The following MDN1 variants were observed in gnomAD, a reference collection of about 807,000 sequenced individuals.
The protein encoded by MDN1 is midasin.
MDN1 carries 266 observed loss-of-function variants against 669.2 expected under a neutral mutation model. That is an observed-to-expected ratio of 0.40 (90% CI 0.36 to 0.44). The LOEUF (loss-of-function observed/expected upper bound fraction) is 0.44, where lower values mean the gene tolerates loss of function less well. Ranked by LOEUF, MDN1 falls within the 20% of genes least tolerant of loss-of-function variation. MDN1 has a pLI of 1.00. For missense variants in MDN1, 5,940 were observed against 6,754.0 expected (o/e 0.88, Z 4.22); for synonymous variants, 2,385 against 2,457.1 (o/e 0.97, Z 0.87).
chr6:89,656,154 A>G (rs1286597385), intron 91 of MDN1, among the ~76,000 whole-genome samples, 186 bp from the exon 92 acceptor site: 1 of 152,210 alleles, frequency 6.6e-6, no homozygotes, highest in African/African-American at 2.4e-5. Flanking sequence ...TCTCTATGAT[A>G]TACTTTTATA....
intron 8 of MDN1, among the ~76,000 whole-genome samples, chr6:89,786,771 C>T (rs1818982994): frequency 6.6e-6 from 1 of 151,544 alleles, no homozygotes. Context: ...ACTAAAAATA[C>T]AAAAATTAGC....
At chr6:89,788,727 C>G (rs1285150871) in intron 7 of MDN1, among the ~76,000 whole-genome samples, 1 of 152,030 alleles carries the variant, frequency 6.6e-6, no homozygotes, top group African/African-American at 2.4e-5. Context: ...AGGAGCTAGA[C>G]TAGAGGAAAA....
chr6:89,743,501 G>C (rs1339368634), intron 30 of MDN1, 75 bp downstream of exon 30: 1 of 1,525,978 alleles, frequency 6.6e-7, no homozygotes, highest in Non-Finnish European at 8.9e-7. Flanking sequence ...CCCAGCTCCA[G>C]AAACCCCACC....
chr6:89,650,661 G>T, intron 96 of MDN1, 71 bp downstream of exon 96: 1 of 1,177,398 alleles, frequency 8.5e-7, no homozygotes. Context: ...GTTAGGTGCC[G>T]CGTTCAACAG....
Position 89,759,052 on chromosome 6 carries a change from G to A in MDN1, c.2461-92C>T, listed in dbSNP as rs112620535. On this transcript the variant is annotated intron_variant, in intron 17 of 101. Coordinates refer to ENST00000369393, the MANE Select transcript of MDN1 (RefSeq NM_014611.3). ...TGCAAGCAGGGTTAGAAATAGAGGCGGGGCAAATCTTTCCTACTTGATGGG... is the reference window on the plus strand; with the variant it reads ...TGCAAGCAGGGTTAGAAATAGAGGCAGGGCAAATCTTTCCTACTTGATGGG... 1.9e-4 allele frequency: 250 copies of A among 1,323,876 alleles called. 2 individuals carry two copies. The highest frequency in any genetic ancestry group is 1.9e-3 in the African/African-American group (127 of 68,016). 82.0% of individuals were successfully genotyped at this position (1,323,876 alleles called of 1,614,324 possible).
rs747644822 is a variant in MDN1, at chr6:89,701,929, G to A, written c.8281C>T (p.Arg2761Ter). ...VLKHLVHQIP[R>*]LLMNYEDKYY... Reference sequence around the variant, plus strand: ...TTGTCTTCATAATTCATCAGAAGTCGGGGGATCTGGTGGACCAGATGTTTT... The same window carrying A: ...TTGTCTTCATAATTCATCAGAAGTCAGGGGATCTGGTGGACCAGATGTTTT... Residue 2761 changes from arginine (R) to a stop codon, truncating the protein, a stop_gained, in exon 54 of 102, where the codon CGA becomes TGA. Transcript: ENST00000369393. LOFTEE classifies it high-confidence loss of function. 1.2e-6 allele frequency: 2 copies of A among 1,613,110 alleles called. No individual in the cohort carries two copies. Among genetic ancestry groups the A allele is most frequent in the Non-Finnish European group, 1.7e-6 (2 of 1,179,630 alleles).
chr6:89,757,692 CTT>C (rs1817324027), intron 19 of MDN1, among the ~76,000 whole-genome samples: 1 of 152,150 alleles, frequency 6.6e-6, no homozygotes, highest in African/African-American at 2.4e-5. Flanking sequence ...AGGCAGATCT[CTT>C]GAGCCCAGTG....
chr6:89,727,767 T>C, intron 37 of MDN1, 66 bp downstream of exon 37: 1 of 1,610,208 alleles, frequency 6.2e-7, no homozygotes, highest in East Asian at 2.2e-5. Flanking sequence ...GAAATGGAGC[T>C]GTGAAAGGAT....
chr6:89,653,218 GCTA>G (rs950645981), intron 93 of MDN1, 63 bp from the exon 94 acceptor site: 14 of 1,454,138 alleles, frequency 9.6e-6, no homozygotes, highest in Admixed American at 4.3e-5. Context: ...CCAAGCCTTT[GCTA>G]TTGCCTGTTA....
intron 42 of MDN1, 51 bp from the exon 43 acceptor site, chr6:89,718,678 A>G: frequency 1.2e-6 from 2 of 1,607,438 alleles, no homozygotes; most frequent in Non-Finnish European, 8.5e-7. Flanking sequence ...GAATACTGTT[A>G]TCTGTACTCA....
intron 12 of MDN1, among the ~76,000 whole-genome samples, chr6:89,775,590 A>G (rs752969167): frequency 1.3e-5 from 2 of 152,254 alleles, no homozygotes; most frequent in Non-Finnish European, 2.9e-5. Context: ...ACATAAAACA[A>G]GAATGGCAAA....
intron 27 of MDN1, among the ~76,000 whole-genome samples, chr6:89,746,593 C>CAAAA (rs34446722): frequency 1.2e-4 from 8 of 65,550 alleles, no homozygotes; most frequent in Non-Finnish European, 1.7e-4. Flanking sequence ...GACTCTATCT[C>CAAAA]AAAAAAAAAA....
intron 40 of MDN1, 85 bp downstream of exon 40, chr6:89,722,870 C>G: frequency 7.5e-6 from 8 of 1,064,724 alleles, no homozygotes; most frequent in African/African-American, 1.6e-5. Flanking sequence ...AAAAAAAAGG[C>G]TTGCAATTAG....
In MDN1 at chr6:89,796,340, A is replaced by AC. The variant is rs1554199824; in HGVS notation, c.330-1540_330-1539insG. Among the ~76,000 whole-genome samples the AC allele has an allele frequency of 6.9e-5, 8 of 116,692 alleles. 1 individual carries two copies. Among genetic ancestry groups the AC allele is most frequent in the East Asian group, 2.3e-4 (1 of 4,374 alleles). 76.6% of individuals were successfully genotyped at this position (116,692 alleles called of 152,430 possible). On this transcript the variant is annotated intron_variant, in intron 2 of 101. Coordinates refer to ENST00000369393, the MANE Select transcript of MDN1 (RefSeq NM_014611.3). ...ACTCTGTCTCAAAAAAAAAAAAAAA[A>AC]AAAAAAAAAACAAAAAAAAAAACCA... is the stretch of plus-strand genomic sequence containing the variant.
intron 74 of MDN1, among the ~76,000 whole-genome samples, chr6:89,679,154 G>A (rs973799111): frequency 3.3e-5 from 5 of 152,188 alleles, no homozygotes; most frequent in African/African-American, 1.2e-4. Flanking sequence ...GTTTCCACTT[G>A]TAGCTAGTAC....
rs1169880914 is a variant in MDN1 at position 89,774,692 on chromosome 6, G to A, written c.1863C>T (p.Ile621=). 6.2e-7 allele frequency: 1 copy of A among 1,613,578 alleles called. No individual in the cohort carries two copies. The highest frequency in any genetic ancestry group is 2.2e-5 in the East Asian group (1 of 44,842). Residue 621 remains isoleucine (I), a synonymous_variant, in exon 13 of 102, where the codon ATC becomes ATT. Transcript: ENST00000369393. ...GACCCACTTGCAAATCTAGCTCATT[G>A]ATCACAATTTCTGGTTTATAAAGTT... ...FCQLYKPEIV[I]NELDLQVGRV...
chr6:89,793,246 A>T (rs1011258001), intron 5 of MDN1, among the ~76,000 whole-genome samples: 2 of 152,232 alleles, frequency 1.3e-5, no homozygotes, highest in African/African-American at 4.8e-5. Flanking sequence ...GCCACAGAGC[A>T]GTCCAAGGGT....
At chr6:89,798,502 CA>C (rs572415548) in intron 2 of MDN1, among the ~76,000 whole-genome samples, 73 of 131,600 alleles carry the variant, frequency 5.5e-4, no homozygotes, top group Admixed American at 6.2e-4. Context: ...AACTCCATCT[CA>C]AAAAAAAAAA....
chr6:89,789,755 C>A (rs1819150753), intron 7 of MDN1, 25 bp downstream of exon 7: 2 of 1,566,896 alleles, frequency 1.3e-6, no homozygotes, highest in South Asian at 2.4e-5. Context: ...TATTAAGGGA[C>A]AATGAATTTC....
Sources: allele counts gnomAD v4.1 joint callset (sites outside exome capture counted in the v4.1 genomes callset), GRCh38; gene constraint gnomAD v4.1.1; transcripts MANE v1.5; gene names NCBI Gene and HGNC (gene_info 2026-07-23, HGNC 2026-07-21).